ZBTB44: variants seen among roughly 807,000 people sequenced by gnomAD.
ZBTB44 encodes the protein zinc finger and BTB domain containing 44.
Under a neutral mutation model 54.0 loss-of-function variants are expected in ZBTB44, and 15 were observed. The ratio of observed to expected loss-of-function variants is 0.28; its 90% CI spans 0.19 to 0.43. The LOEUF (loss-of-function observed/expected upper bound fraction) is 0.43. Ranked by LOEUF, ZBTB44 falls within the 20% of genes least tolerant of loss-of-function variation. ZBTB44 has a pLI of 1.00. For missense variants in ZBTB44, 487 were observed against 707.1 expected, an observed-to-expected ratio of 0.69 and a Z score of 3.53; for synonymous variants, 230 against 250.1, an observed-to-expected ratio of 0.92 and a Z score of 0.76.
Position 130,238,526 on chromosome 11 carries a change from G to A in ZBTB44, c.1185C>T (p.Pro395=), listed in dbSNP as rs1282442770. ...AGGTTGGACACTGAAAAGGTCTGTC[G>A]GGACCATTTGGACTTGGTCGCTCTG... ...SSTERPSPNG[P]DRPFQCPTCG... The change falls in exon 4 of 8, where the codon CCC becomes CCT. Residue 395 remains proline, a synonymous_variant. Coordinates refer to ENST00000357899, the MANE Select transcript of ZBTB44 (RefSeq NM_001301098.2). The A allele has an allele frequency of 8.7e-6, 14 of 1,612,242 alleles. No individual in the cohort carries two copies. Among genetic ancestry groups the A allele is most frequent in the African/African-American group, 1.3e-5 (1 of 74,972 alleles).
intron 1 of ZBTB44, among the ~76,000 whole-genome samples, chr11:130,289,515 G>A (rs1941179605): frequency 1.3e-5 from 2 of 151,086 alleles, no homozygotes; most frequent in East Asian, 1.9e-4. Flanking sequence ...GGTAAAAGAC[G>A]GTGGTCAAGA....
At chr11:130,260,614 T>A (rs1251942479) in intron 2 of ZBTB44, among the ~76,000 whole-genome samples, 1 of 152,244 alleles carries the variant, frequency 6.6e-6, no homozygotes, top group Non-Finnish European at 1.5e-5. Flanking sequence ...TAACTGCTTT[T>A]TTGTGTATGT....
At chr11:130,310,811 T>C (rs1003291432) in intron 1 of ZBTB44, among the ~76,000 whole-genome samples, 4 of 152,138 alleles carry the variant, frequency 2.6e-5, no homozygotes, top group African/African-American at 9.7e-5. Flanking sequence ...GGCGCAATCT[T>C]GGCTCACTGC....
intron 1 of ZBTB44, among the ~76,000 whole-genome samples, chr11:130,262,694 A>G (rs1938959625): frequency 6.6e-6 from 1 of 152,144 alleles, no homozygotes; most frequent in Admixed American, 6.5e-5. Context: ...AGGTAAATGT[A>G]TAGAGGAAAA....
At chr11:130,262,636 A>G (rs1475024550) in intron 1 of ZBTB44, among the ~76,000 whole-genome samples, 2 of 152,238 alleles carry the variant, frequency 1.3e-5, no homozygotes, top group Non-Finnish European at 2.9e-5. Flanking sequence ...ATGCCAGTGT[A>G]AACACTGAAC....
At chr11:130,299,309 T>C (rs1941859163) in intron 1 of ZBTB44, among the ~76,000 whole-genome samples, 1 of 151,976 alleles carries the variant, frequency 6.6e-6, no homozygotes, top group Admixed American at 6.6e-5. Context: ...GCCCTAAATA[T>C]CTGGAAATTA....
rs1940109340 is a variant in ZBTB44 at position 130,276,439 on chromosome 11, TTTC to T, written c.-56-14513_-56-14511del. ...TAATTTTCTATACGTTTCTTTTTTT[TTTC>T]TTTTTTTTTTGAGACAGAGTCTTGC... On this transcript the variant is annotated intron_variant, in intron 1 of 7. Coordinates refer to ENST00000357899, the MANE Select transcript of ZBTB44 (RefSeq NM_001301098.2). Among the ~76,000 whole-genome samples, 2 of 151,084 alleles carry T rather than the reference TTTC, an allele frequency of 1.3e-5. 1 individual carries two copies. The highest frequency in any genetic ancestry group is 1.3e-4 in the Admixed American group (2 of 15,192).
chr11:130,311,784 T>C (rs979679472), intron 1 of ZBTB44, among the ~76,000 whole-genome samples: 4 of 152,142 alleles, frequency 2.6e-5, no homozygotes, highest in African/African-American at 9.7e-5. Flanking sequence ...AACAGCTCTT[T>C]CCAGAGGTGA....
At chr11:130,257,257 AAAG>A (rs1253243745) in intron 2 of ZBTB44, among the ~76,000 whole-genome samples, 283 of 151,924 alleles carry the variant, frequency 1.9e-3, no homozygotes, top group Middle Eastern at 0.01. Flanking sequence ...AAAAAAAAAA[AAAG>A]AAAAAGTACA....
intron 2 of ZBTB44, 107 bp downstream of exon 2, chr11:130,260,749 T>A: frequency 7.8e-7 from 1 of 1,279,616 alleles, no homozygotes; most frequent in Non-Finnish European, 1.0e-6. Flanking sequence ...GTTTTACTCT[T>A]CTTTATATTT....
chr11:130,238,654 C>T, intron 3 of ZBTB44, 47 bp from the exon 4 acceptor site: 2 of 1,569,210 alleles, frequency 1.3e-6, no homozygotes, highest in African/African-American at 2.7e-5. Context: ...GATTTTTAAA[C>T]TGAATAAACA....
chr11:130,295,218 TGA>T (rs1457853633), intron 1 of ZBTB44, among the ~76,000 whole-genome samples: 1 of 151,960 alleles, frequency 6.6e-6, no homozygotes, highest in African/African-American at 2.4e-5. Context: ...GAAGAAACAA[TGA>T]GAGGTAGAAG....
At position 130,261,255 on chromosome 11, in the gene ZBTB44, C is replaced by T. The variant is rs765321923; in HGVS notation, c.619G>A (p.Val207Ile). 4.3e-6 allele frequency: 7 copies of T among 1,613,736 alleles called. No individual in the cohort carries two copies. The Admixed American group carries it at 1.0e-4, about 23-fold the overall frequency. ...GAGTAGGAAGCTGAAGAATTCAATA[C>T]CTGGGGTGAGCTTGTTTGTGTGCCA... ...KCGTQTSSPQ[V>I]LNSSASYSEN... is the part of the protein sequence containing the mutation. The change falls in exon 2 of 8, where the codon GTA (valine) becomes ATA (isoleucine). Residue 207 changes from valine to isoleucine, a missense_variant. Coordinates refer to ENST00000357899, the MANE Select transcript of ZBTB44 (RefSeq NM_001301098.2). The surrounding 1 kb of genome is among the most constrained non-coding windows in gnomAD (Gnocchi z 4.8).
chr11:130,261,081 T>G lies in ZBTB44; in HGVS notation c.793A>C (p.Arg265=), dbSNP rs746696361. 1 of 1,613,946 alleles carries G rather than the reference T, an allele frequency of 6.2e-7. No homozygotes were observed. The highest frequency in any genetic ancestry group is 1.3e-5 in the African/African-American group (1 of 74,948). The change falls in exon 2 of 8, where the codon AGA becomes CGA. Residue 265 remains arginine, a synonymous_variant. Transcript: ENST00000357899. This position sits in a 1 kb window ranked among gnomAD's most constrained non-coding sequence, Gnocchi z 4.8. ...TCACAAGTCACATAATCAGCCATTC[T>G]TCTACCGGTCTCAGATGGGCCAGGT... ...ELPGPSETGR[R]MADYVTCEST...
chr11:130,305,703 G>T lies in ZBTB44; in HGVS notation c.-57+8672C>A, dbSNP rs118123650. On this transcript the variant is annotated intron_variant, in intron 1 of 7. Transcript: ENST00000357899. ...TCTTCTAGACATTAGCTTAGGCAAA[G>T]AATTCATGACCAAAAAACCAAAAGC... 3.2e-3 allele frequency among the ~76,000 whole-genome samples: 492 copies of T among 152,232 alleles called. 2 individuals are homozygous for T. Among genetic ancestry groups the T allele is most frequent in the Middle Eastern group, 0.024 (7 of 292 alleles).
rs1192802844 is a variant in ZBTB44, at chr11:130,227,120, T to C, written c.*4644A>G. The C allele has an allele frequency of 2.0e-5, 3 of 152,172 alleles. No individual in the cohort carries two copies. The highest frequency in any genetic ancestry group is 6.5e-5 in the Admixed American group (1 of 15,278). The allele number at this position is 152,172 out of a possible 1,614,324, so 9.4% of individuals were successfully genotyped here. A position where few individuals can be genotyped will look rare whatever the true frequency, so the allele number is the denominator to read the frequency against. ...AAAAAAGGTCACAAAAATATATATA[T>C]ATATGTAGTCACCAAGAACTATGGT... On this transcript the variant is annotated 3_prime_UTR_variant, in exon 8 of 8. Coordinates refer to ENST00000357899, the MANE Select transcript of ZBTB44 (RefSeq NM_001301098.2).
At chr11:130,282,069 C>T (rs906079758) in intron 1 of ZBTB44, among the ~76,000 whole-genome samples, 2 of 152,110 alleles carry the variant, frequency 1.3e-5, no homozygotes, top group East Asian at 1.9e-4. Flanking sequence ...AAACATAACA[C>T]CCTATTATAA....
intron 1 of ZBTB44, among the ~76,000 whole-genome samples, chr11:130,287,227 C>G (rs1941021507): frequency 6.6e-6 from 1 of 152,154 alleles, no homozygotes. Flanking sequence ...CCCTCACCTC[C>G]CATCAAAACT....
At chr11:130,277,148 T>TA (rs1940165396) in intron 1 of ZBTB44, among the ~76,000 whole-genome samples, 1 of 152,256 alleles carries the variant, frequency 6.6e-6, no homozygotes. Context: ...TTTGTATAGT[T>TA]AGATTCAAAC....
Sources: gnomAD v4.1 joint callset for allele counts (sites outside exome capture counted in the v4.1 genomes callset) on GRCh38, gnomAD v4.1.1 for gene constraint, Gnocchi (gnomAD v3.1) non-coding constraint, MANE v1.5 for transcripts, NCBI Gene and HGNC (gene_info 2026-07-23, HGNC 2026-07-21) for gene names.